The following NF1 variants were observed in gnomAD, a reference collection of about 807,000 sequenced individuals.
The protein encoded by NF1 is neurofibromin.
Under a neutral mutation model 325.7 loss-of-function variants are expected in NF1, and 122 were observed. The observed-to-expected ratio is 0.37, with a 90% CI of 0.32 to 0.44. NF1 has a LOEUF of 0.44. NF1 is among the 20% of genes least tolerant of loss of function. NF1 has a pLI of 1.00. For synonymous variants in NF1, 1,091 were observed against 1,186.0 expected (o/e 0.92, Z 1.65); for missense variants, 2,140 against 3,415.4 (o/e 0.63, Z 9.31).
At chr17:31,322,454 A>G (rs1367846890) in intron 36 of NF1, among the ~76,000 whole-genome samples, 1 of 137,138 alleles carries the variant, frequency 7.3e-6, no homozygotes, top group Non-Finnish European at 1.5e-5. Flanking sequence ...ATGAGCTAAG[A>G]TCATGCCACT....
chr17:31,274,323 G>A (rs1011761908), intron 36 of NF1, among the ~76,000 whole-genome samples: 1 of 152,098 alleles, frequency 6.6e-6, no homozygotes, highest in African/African-American at 2.4e-5. Flanking sequence ...AAATTGGGTT[G>A]TATTCTGCTA....
rs1597862203 is a variant in NF1, at chr17:31,352,359, A to G, written c.7560A>G (p.Lys2520=). The G allele has an allele frequency of 1.2e-6, 2 of 1,614,142 alleles. No homozygotes were observed. The highest frequency in any genetic ancestry group is 1.7e-6 in the Non-Finnish European group (2 of 1,180,004). ...GCCAGACCAGTCCCCGAGCCAGGAA[A>G]TCCATGAGCCTGGACATGGGGCAAC... ...TVGQTSPRAR[K]SMSLDMGQPS... Residue 2520 remains lysine (K), a synonymous_variant, in exon 51 of 58, where the codon AAA becomes AAG. Coordinates refer to ENST00000358273, the MANE Select transcript of NF1 (RefSeq NM_001042492.3).
intron 4 of NF1, among the ~76,000 whole-genome samples, chr17:31,164,945 A>G (rs1250672180): frequency 2.6e-5 from 4 of 152,218 alleles, no homozygotes; most frequent in African/African-American, 9.7e-5. Context: ...CAGCAAGGTA[A>G]CAAACACCTA....
chr17:31,229,207 C>T lies in NF1; in HGVS notation c.2592C>T (p.Ser864=), dbSNP rs761499485. 6.2e-6 allele frequency: 10 copies of T among 1,611,912 alleles called. No individual in the cohort carries two copies. In the African/African-American group the frequency reaches 8.0e-5, roughly 13 times the overall value. The change falls in exon 21 of 58, where the codon AGC becomes AGT. Residue 864 remains serine, a synonymous_variant. Transcript: ENST00000358273. The stretch of plus-strand genomic sequence containing the variant: ...GCAATTCTGGCCTGGCAACCTATAG[C>T]CCACCCATGGGTCCAGTCAGTGAAC... ...QRSNSGLATY[S]PPMGPVSERK...
intron 14 of NF1, among the ~76,000 whole-genome samples, chr17:31,219,740 C>G (rs2066890025): frequency 6.6e-6 from 1 of 151,452 alleles, no homozygotes; most frequent in Non-Finnish European, 1.5e-5. Context: ...ATTCCCTCAT[C>G]CCTACCAACT....
In NF1 at chr17:31,343,120, G is replaced by A. The variant is rs1357330262; in HGVS notation, c.7174G>A (p.Gly2392Arg). ...FNSNFNFALV[G>R]HLLKGYRHPS... is the part of the protein sequence containing the mutation. The stretch of plus-strand genomic sequence containing the variant: ...CTCTAACTTTAACTTTGCATTGGTT[G>A]GACACCTTTTAAAAGGTAAAAAAGC... The change falls in exon 48 of 58, where the codon GGA becomes AGA. Residue 2392 changes from glycine (G) to arginine (R), a missense_variant. Coordinates refer to ENST00000358273, the MANE Select transcript of NF1 (RefSeq NM_001042492.3). The A allele has an allele frequency of 6.2e-7, 1 of 1,613,398 alleles. No individual in the cohort carries two copies. The highest frequency in any genetic ancestry group is 8.5e-7 in the Non-Finnish European group (1 of 1,179,594).
rs557383707 is a variant in NF1, at chr17:31,353,296, C to T, written c.7615+882C>T. Reference sequence around the variant, plus strand: ...TCTGAGAAGTACACCTGAAATGCTGCGAGACTCATTTCCATTTTAGTAACT... The same window carrying T: ...TCTGAGAAGTACACCTGAAATGCTGTGAGACTCATTTCCATTTTAGTAACT... On this transcript the variant is annotated intron_variant, in intron 51 of 57. Transcript: ENST00000358273. Among the ~76,000 whole-genome samples the T allele has an allele frequency of 9.7e-4, 148 of 152,220 alleles. 1 individual carries two copies. The highest frequency in any genetic ancestry group is 3.2e-3 in the African/African-American group (132 of 41,522).
At chr17:31,181,874 T>G in intron 7 of NF1, 89 bp downstream of exon 7, 2 of 974,956 alleles carry the variant, frequency 2.1e-6, no homozygotes, top group Non-Finnish European at 3.2e-6. Flanking sequence ...CAAGTTATTT[T>G]TGTTATAAAG....
intron 1 of NF1, among the ~76,000 whole-genome samples, chr17:31,145,002 T>C (rs916326760): frequency 2.6e-5 from 4 of 152,236 alleles, no homozygotes; most frequent in African/African-American, 9.6e-5. Flanking sequence ...ATAAGGCTTT[T>C]CATGATCTGA....
intron 1 of NF1, among the ~76,000 whole-genome samples, chr17:31,151,105 C>CT (rs754906931): frequency 7.9e-5 from 12 of 152,022 alleles, no homozygotes; most frequent in Non-Finnish European, 7.4e-5. Context: ...CAGTGATGGA[C>CT]TGCATATGTA....
chr17:31,125,318 GTA>G lies in NF1; in HGVS notation c.60+29963_60+29964del, dbSNP rs142101748. 5.0e-3 allele frequency among the ~76,000 whole-genome samples: 749 copies of G among 148,978 alleles called. 6 individuals are homozygous for G. The highest frequency in any genetic ancestry group is 0.017 in the African/African-American group (703 of 40,760). ...CATTAGTTCATTATTTGTATATATT[GTA>G]TATATATATATATCTGGGCTATTGA... On this transcript the variant is annotated intron_variant, in intron 1 of 57. Coordinates refer to ENST00000358273, the MANE Select transcript of NF1 (RefSeq NM_001042492.3).
chr17:31,186,174 A>C (rs537503158), intron 8 of NF1, among the ~76,000 whole-genome samples: 11 of 152,284 alleles, frequency 7.2e-5, no homozygotes, highest in African/African-American at 2.4e-4. Context: ...CAAGTAAGTT[A>C]CATGAGGAAG....
intron 20 of NF1, among the ~76,000 whole-genome samples, chr17:31,228,142 T>C (rs1318116057): frequency 6.6e-6 from 1 of 152,246 alleles, no homozygotes; most frequent in East Asian, 1.9e-4. Flanking sequence ...ATTGATCCCA[T>C]AGAGTAAATG....
chr17:31,339,203 T>C (rs2069758887), intron 46 of NF1, among the ~76,000 whole-genome samples: 2 of 151,642 alleles, frequency 1.3e-5, no homozygotes, highest in African/African-American at 4.8e-5. Context: ...GGTTGGGGAG[T>C]GAATGGATAA....
Position 31,095,097 on chromosome 17 carries a change from C to T in NF1, c.-213C>T. 1 of 441,424 alleles carries T rather than the reference C, an allele frequency of 2.3e-6. No homozygotes were observed. Among genetic ancestry groups the T allele is most frequent in the Non-Finnish European group, 4.0e-6 (1 of 250,998 alleles). 27.3% of individuals were successfully genotyped at this position (441,424 alleles called of 1,614,324 possible). A position where few individuals can be genotyped will look rare whatever the true frequency, so the allele number is the denominator to read the frequency against. On this transcript the variant is annotated 5_prime_UTR_variant, in exon 1 of 58. Coordinates refer to ENST00000358273, the MANE Select transcript of NF1 (RefSeq NM_001042492.3). The stretch of plus-strand genomic sequence containing the variant: ...CCGGGTCCCCTTCCCCTATCCCCCT[C>T]CCCCCAGCCTCCTTGCCAACGCCCC...
chr17:31,337,352 CT>C lies in NF1; in HGVS notation c.6428-13del. 1 of 1,588,752 alleles carries C rather than the reference CT, an allele frequency of 6.3e-7. No homozygotes were observed. Among genetic ancestry groups the C allele is most frequent in the South Asian group, 1.1e-5 (1 of 90,442 alleles). ...TAATATTTTCTGTCTTTACTTGTTC[CT>C]TTATTCTCTTACAGAAGAGACCAAG... is the stretch of plus-strand genomic sequence containing the variant. On this transcript the variant is annotated splice_polypyrimidine_tract_variant and intron_variant, in intron 42 of 57. Coordinates refer to ENST00000358273, the MANE Select transcript of NF1 (RefSeq NM_001042492.3).
At chr17:31,293,729 A>G (rs2068400822) in intron 36 of NF1, among the ~76,000 whole-genome samples, 1 of 113,474 alleles carries the variant, frequency 8.8e-6, no homozygotes, top group South Asian at 2.5e-4. Context: ...TTGAAATGAG[A>G]TTCTGCCTTA....
Position 31,330,293 on chromosome 17 carries a change from T to A in NF1, c.5610-3T>A. 6.2e-7 allele frequency: 1 copy of A among 1,613,886 alleles called. No homozygotes were observed. Among genetic ancestry groups the A allele is most frequent in the Non-Finnish European group, 8.5e-7 (1 of 1,179,784 alleles). On this transcript the variant is annotated splice_region_variant and splice_polypyrimidine_tract_variant and intron_variant, in intron 38 of 57. Transcript: ENST00000358273. ...AAACAACTTCATTTGTGTTTTCTCC[T>A]AGGTCAGCTGCCTATAATCTTCTGT...
chr17:31,251,016 G>C (rs1389150926), intron 30 of NF1: 1 of 193,842 alleles, frequency 5.2e-6, no homozygotes, highest in Non-Finnish European at 1.1e-5. Context: ...ATTAAATAAG[G>C]CTTTATTTTT....
Sources: allele counts gnomAD v4.1 joint callset (sites outside exome capture counted in the v4.1 genomes callset), GRCh38; gene constraint gnomAD v4.1.1; transcripts MANE v1.5; gene names NCBI Gene and HGNC (gene_info 2026-07-23, HGNC 2026-07-21).